DYM: variants seen among roughly 807,000 people sequenced by gnomAD.
DYM encodes the protein dyggve-Melchior-Clausen syndrome protein.
Under a neutral mutation model 93.1 loss-of-function variants are expected in DYM, and 78 were observed. That is an observed-to-expected ratio of 0.84 (90% CI 0.70 to 1.01). The LOEUF is 1.01. Ranked by LOEUF, DYM falls within the 50% of genes least tolerant of loss-of-function variation. The pLI is 0.00. For synonymous variants in DYM, 321 were observed against 319.7 expected, an observed-to-expected ratio of 1.00 and a Z score of -0.04; for missense variants, 789 against 845.0, an observed-to-expected ratio of 0.93 and a Z score of 0.82.
intron 13 of DYM, among the ~76,000 whole-genome samples, chr18:49,249,165 T>C (rs571880189): frequency 1.5e-3 from 221 of 152,284 alleles, no homozygotes; most frequent in Non-Finnish European, 2.9e-3. Flanking sequence ...TGGACAAACC[T>C]GGGATAGCCA....
chr18:49,263,167 G>A (rs963687366), intron 11 of DYM, among the ~76,000 whole-genome samples: 3 of 151,110 alleles, frequency 2.0e-5, no homozygotes, highest in South Asian at 4.2e-4. Context: ...CATCCAGGCT[G>A]GAGTGCAATG....
At chr18:49,075,549 T>C (rs2077231368) in intron 17 of DYM, among the ~76,000 whole-genome samples, 1 of 152,072 alleles carries the variant, frequency 6.6e-6, no homozygotes, top group Non-Finnish European at 1.5e-5. Flanking sequence ...AGGGAATCGA[T>C]GGCAGAGTCA....
intron 8 of DYM, among the ~76,000 whole-genome samples, chr18:49,319,267 T>C (rs978694531): frequency 3.9e-5 from 6 of 152,070 alleles, no homozygotes; most frequent in African/African-American, 1.4e-4. Context: ...AGGACTAGAG[T>C]TAATTGTCCT....
intron 6 of DYM, among the ~76,000 whole-genome samples, chr18:49,338,142 T>C (rs1179396680): frequency 6.6e-6 from 1 of 152,190 alleles, no homozygotes; most frequent in Non-Finnish European, 1.5e-5. Flanking sequence ...CTTTGAAAGA[T>C]AAATAGCATT....
intron 16 of DYM, among the ~76,000 whole-genome samples, chr18:49,101,450 T>C (rs1431488219): frequency 6.6e-6 from 1 of 152,190 alleles, no homozygotes; most frequent in Non-Finnish European, 1.5e-5. Flanking sequence ...TTACTTTGAG[T>C]AATGTCAAAT....
chr18:49,430,225 C>A, intron 2 of DYM, 30 bp downstream of exon 2: 1 of 1,610,884 alleles, frequency 6.2e-7, no homozygotes, highest in South Asian at 1.1e-5. Context: ...GCCCTCTATT[C>A]AAATTTTCAA....
intron 6 of DYM, among the ~76,000 whole-genome samples, chr18:49,357,555 A>G (rs981788228): frequency 1.3e-5 from 2 of 152,236 alleles, no homozygotes; most frequent in African/African-American, 4.8e-5. Context: ...CAAATGAGCC[A>G]TTACACTTGC....
intron 16 of DYM, among the ~76,000 whole-genome samples, chr18:49,111,983 C>A (rs1568440316): frequency 6.6e-6 from 1 of 152,052 alleles, no homozygotes; most frequent in Non-Finnish European, 1.5e-5. Context: ...CTTATAGAAC[C>A]CTGGGGCTGC....
At chr18:49,336,163 T>C (rs560951713) in intron 6 of DYM, among the ~76,000 whole-genome samples, 8 of 152,206 alleles carry the variant, frequency 5.3e-5, no homozygotes, top group Admixed American at 1.3e-4. Context: ...GCTGTGGTGG[T>C]TTACAATTTA....
At chr18:49,423,733 G>A (rs944853172) in intron 2 of DYM, among the ~76,000 whole-genome samples, 11 of 152,302 alleles carry the variant, frequency 7.2e-5, no homozygotes, top group African/African-American at 2.6e-4. Flanking sequence ...TGATCCCACA[G>A]AAATACAAAC....
rs527811356 is a variant in DYM at position 49,293,333 on chromosome 18, T to C, written c.764-6717A>G. Among the ~76,000 whole-genome samples, 242 of 152,322 alleles carry C rather than the reference T, an allele frequency of 1.6e-3. 2 individuals are homozygous for C. The highest frequency in any genetic ancestry group is 3.4e-3 in the Middle Eastern group (1 of 294). ...AGAATAATTTATAATCCTTTGGGTG[T>C]GTATACCCAGTAATGGGATTGCTGC... is the stretch of plus-strand genomic sequence containing the variant. On this transcript the variant is annotated intron_variant, in intron 8 of 17. Transcript: ENST00000675505.
intron 2 of DYM, among the ~76,000 whole-genome samples, chr18:49,427,981 C>T (rs539157718): frequency 3.3e-5 from 5 of 151,856 alleles, no homozygotes; most frequent in East Asian, 1.9e-4. Context: ...GTCCCAGCTA[C>T]TCAGGAAGGT....
rs1301888182 is a variant in DYM at position 49,220,564 on chromosome 18, T to C, written c.1461-10849A>G. Among the ~76,000 whole-genome samples the C allele has an allele frequency of 9.8e-3, 1,470 of 150,484 alleles. 36 individuals carry two copies. Among genetic ancestry groups the C allele is most frequent in the South Asian group, 0.073 (347 of 4,734 alleles). On this transcript the variant is annotated intron_variant, in intron 13 of 17. Coordinates refer to ENST00000675505, the MANE Select transcript of DYM (RefSeq NM_001353214.3). ...ACTGGTACCAAAACAGAGATATAGATCAATGGAACAGAACAGAGCCCTCAG... is the reference window on the plus strand; with the variant it reads ...ACTGGTACCAAAACAGAGATATAGACCAATGGAACAGAACAGAGCCCTCAG...
chr18:49,139,170 A>C (rs142263103), intron 15 of DYM, among the ~76,000 whole-genome samples: 3 of 152,006 alleles, frequency 2.0e-5, no homozygotes, highest in Non-Finnish European at 4.4e-5. Flanking sequence ...TGTAATTTTA[A>C]TTTTTATCAG....
intron 17 of DYM, among the ~76,000 whole-genome samples, chr18:49,086,334 T>C (rs2078523383): frequency 6.6e-6 from 1 of 152,148 alleles, no homozygotes; most frequent in Non-Finnish European, 1.5e-5. Flanking sequence ...AGCTCAGGCC[T>C]CTCTTTCTCC....
intron 13 of DYM, among the ~76,000 whole-genome samples, chr18:49,247,267 C>G (rs1358751791): frequency 6.6e-6 from 1 of 152,042 alleles, no homozygotes; most frequent in East Asian, 1.9e-4. Context: ...GGGAACCACA[C>G]AAGAAATGAA....
At chr18:49,147,947 T>C (rs899529234) in intron 15 of DYM, among the ~76,000 whole-genome samples, 5 of 152,146 alleles carry the variant, frequency 3.3e-5, no homozygotes, top group African/African-American at 7.2e-5. Flanking sequence ...CCAAGCCAAA[T>C]GTCCAACAAT....
intron 17 of DYM, among the ~76,000 whole-genome samples, chr18:49,070,955 T>G (rs1304918868): frequency 1.3e-5 from 2 of 152,210 alleles, no homozygotes; most frequent in African/African-American, 4.8e-5. Context: ...ATATTGGGTT[T>G]GGTGTTTTCT....
intron 15 of DYM, among the ~76,000 whole-genome samples, chr18:49,133,945 C>T (rs185270866): frequency 1.2e-3 from 182 of 152,136 alleles, no homozygotes; most frequent in Non-Finnish European, 1.9e-3. Context: ...TCCAAATGTC[C>T]GATAGTAGAT....
Sources: allele counts gnomAD v4.1 joint callset (sites outside exome capture counted in the v4.1 genomes callset), GRCh38; gene constraint gnomAD v4.1.1; transcripts MANE v1.5; gene names NCBI Gene and HGNC (gene_info 2026-07-23, HGNC 2026-07-21).